The following NDUFA3 variants were observed in gnomAD, a reference collection of about 807,000 sequenced individuals.
The protein encoded by NDUFA3 is NADH:ubiquinone oxidoreductase subunit A3, also known as NADH dehydrogenase [ubiquinone] 1 alpha subcomplex subunit 3.
NDUFA3 carries 10 observed loss-of-function variants against 11.4 expected under a neutral mutation model. The ratio of observed to expected loss-of-function variants is 0.87; its 90% confidence interval spans 0.54 to 1.48. NDUFA3 has a LOEUF of 1.48. Ranked by LOEUF, NDUFA3 falls within the 40% of genes most tolerant of loss-of-function variation. The pLI is 0.00. For missense variants in NDUFA3, 115 were observed against 110.5 expected (o/e 1.04, Z -0.18); for synonymous variants, 39 against 46.9 (o/e 0.83, Z 0.68).
chr19:54,103,038 C>A, intron 1 of NDUFA3, 76 bp from the exon 2 acceptor site: 1 of 1,553,234 alleles, frequency 6.4e-7, no homozygotes, highest in Non-Finnish European at 8.8e-7. Context: ...TCCTCCAGGG[C>A]AGGGGTGGCA....
chr19:54,104,336 C>T (rs2073192191), intron 2 of NDUFA3, among the ~76,000 whole-genome samples: 1 of 151,580 alleles, frequency 6.6e-6, no homozygotes, highest in African/African-American at 2.4e-5. Flanking sequence ...CAAGGTTTCA[C>T]CATGTTGGCC....
rs144138972 is a variant in NDUFA3 at position 54,106,867 on chromosome 19, C to G, written c.220C>G (p.Gln74Glu). 101 of 1,613,842 alleles carry G rather than the reference C, an allele frequency of 6.3e-5. No homozygotes were observed. In the African/African-American group the frequency reaches 1.3e-3, roughly 21 times the overall value. The change falls in exon 4 of 4, where the codon CAG (glutamine) becomes GAG (glutamate). Residue 74 changes from glutamine (Q) to glutamate (E), a missense_variant. Coordinates refer to ENST00000485876, the MANE Select transcript of NDUFA3 (RefSeq NM_004542.4). ...CGTGCCCAGCCACCCCCAGGACCCT[C>G]AGGGCCCCAGCCTGGAGTGGCTGAA... The part of the protein sequence containing the change: ...PDVPSHPQDP[Q>E]GPSLEWLKKL
chr19:54,106,636 CCGTGTCT>C, intron 3 of NDUFA3, 168 bp from the exon 4 acceptor site: 1 of 526,834 alleles, frequency 1.9e-6, no homozygotes, highest in Non-Finnish European at 3.3e-6. Context: ...CTCTGGTTTT[CCGTGTCT>C]CTCAGTCTCT....
chr19:54,103,938 A>G (rs2073174106), intron 2 of NDUFA3, among the ~76,000 whole-genome samples: 1 of 151,848 alleles, frequency 6.6e-6, no homozygotes, highest in African/African-American at 2.4e-5. Context: ...GGTTCACGCC[A>G]TTCTCCTGCC....
At position 54,107,056 on chromosome 19, in the gene NDUFA3, A is replaced by C; in HGVS notation, c.*154A>C. 6.2e-7 allele frequency: 1 copy of C among 1,613,674 alleles called. No homozygotes were observed. The stretch of plus-strand genomic sequence containing the variant: ...TCAGTTTATTGGGCATGCGTCAGTC[A>C]GAGGCTGGGCTGGCCAGGGTCGGGT... On this transcript the variant is annotated 3_prime_UTR_variant, in exon 4 of 4. Transcript: ENST00000485876.
intron 3 of NDUFA3, 90 bp downstream of exon 3, chr19:54,106,101 G>GAATCTCTGATAACTGC: frequency 3.1e-6 from 4 of 1,305,486 alleles, no homozygotes; most frequent in Non-Finnish European, 4.4e-6. Flanking sequence ...TTCCTAAGCA[G>GAATCTCTGATAACTGC]TTATCAGAGA....
intron 2 of NDUFA3, chr19:54,105,584 T>C: frequency 2.0e-6 from 1 of 499,142 alleles, no homozygotes; most frequent in Non-Finnish European, 4.0e-6. Context: ...TGTAACAGTC[T>C]TGATTTCTCC....
At position 54,102,878 on chromosome 19, in the gene NDUFA3, G is replaced by A; in HGVS notation, c.-1G>A. Reference sequence around the variant, plus strand: ...CCGCTGTCGCCGCCGCGGAGACAAAGATGGCTGCGAGTAAGTGCAGGTGCC... The same window carrying A: ...CCGCTGTCGCCGCCGCGGAGACAAAAATGGCTGCGAGTAAGTGCAGGTGCC... On this transcript the variant is annotated 5_prime_UTR_variant, in exon 1 of 4. Transcript: ENST00000485876. The A allele has an allele frequency of 6.2e-7, 1 of 1,610,470 alleles. No homozygotes were observed. The highest frequency in any genetic ancestry group is 1.1e-5 in the South Asian group (1 of 90,640).
chr19:54,106,780 TG>T, intron 3 of NDUFA3, 30 bp from the exon 4 acceptor site: 1 of 1,574,836 alleles, frequency 6.3e-7, no homozygotes, highest in Non-Finnish European at 8.6e-7. Context: ...GGAGACGTGC[TG>T]GTCTCAGTGG....
rs1316415018 is a variant in NDUFA3, at chr19:54,105,264, C to CCTTTTTTT, written c.86-670_86-669insCTTTTTTT. On this transcript the variant is annotated intron_variant, in intron 2 of 3. Transcript: ENST00000485876. ...ACCCTTTCTCCTCCAGTTTGTAAGGCTTTTTTTTTTTTTTTTTTTTTGGTG... is the reference window on the plus strand; with the variant it reads ...ACCCTTTCTCCTCCAGTTTGTAAGGCCTTTTTTTTTTTTTTTTTTTTTTTTTTTTGGTG... 9.6e-3 allele frequency among the ~76,000 whole-genome samples: 680 copies of CCTTTTTTT among 71,188 alleles called. 89 individuals are homozygous for CCTTTTTTT. The highest frequency in any genetic ancestry group is 0.011 in the Non-Finnish European group (452 of 39,606). The allele number at this position is 71,188 out of a possible 152,430, so 46.7% of individuals were successfully genotyped here. A position where few individuals can be genotyped will look rare whatever the true frequency, so the allele number is the denominator to read the frequency against.
intron 2 of NDUFA3, 147 bp from the exon 3 acceptor site, chr19:54,105,787 A>G (rs1415070124): frequency 5.2e-5 from 38 of 728,308 alleles, no homozygotes; most frequent in Non-Finnish European, 8.5e-5. Flanking sequence ...TAGGGATCCC[A>G]AGGTACCAAG....
Position 54,105,565 on chromosome 19 carries a change from G to A in NDUFA3, c.86-369G>A, listed in dbSNP as rs1316345486. 5 of 442,974 alleles carry A rather than the reference G, an allele frequency of 1.1e-5. No individual in the cohort carries two copies. The East Asian group carries it at 2.4e-4, about 21-fold the overall frequency. 27.4% of individuals were successfully genotyped at this position (442,974 alleles called of 1,614,324 possible). A position where few individuals can be genotyped will look rare whatever the true frequency, so the allele number is the denominator to read the frequency against. On this transcript the variant is annotated intron_variant, in intron 2 of 3. Transcript: ENST00000485876. ...ATTACAGGCTTGAGCCACTGTGCCC[G>A]GCCAAATTTGTAACAGTCTTGATTT...
At chr19:54,105,885 C>A (rs776255915) in intron 2 of NDUFA3, 49 bp from the exon 3 acceptor site, 9 of 1,510,710 alleles carry the variant, frequency 6.0e-6, no homozygotes, top group Non-Finnish European at 8.3e-6. Flanking sequence ...CTCTTCCCCT[C>A]TCTTCAGAGC....
rs1207555411 is a variant in NDUFA3 at position 54,105,038 on chromosome 19, A to G, written c.86-896A>G. ...TAGGCATGAGCCACCTCGCCCATCC[A>G]AGTATGTTTCTTAAAATTTGTTTCA... On this transcript the variant is annotated intron_variant, in intron 2 of 3. Transcript: ENST00000485876. Among the ~76,000 whole-genome samples, 8 of 152,172 alleles carry G rather than the reference A, an allele frequency of 5.3e-5. No homozygotes were observed. The South Asian group carries it at 8.3e-4, about 16-fold the overall frequency.
In NDUFA3 at chr19:54,107,363, C is replaced by G. The variant is rs587599296; in HGVS notation, c.*461C>G. ...TCCCAGGCTCAAGTGATCCTCCCAC[C>G]TCAGCTTCCCAAGTAGCTGGGACTA... On this transcript the variant is annotated 3_prime_UTR_variant, in exon 4 of 4. Coordinates refer to ENST00000485876, the MANE Select transcript of NDUFA3 (RefSeq NM_004542.4). 1.5e-4 allele frequency: 103 copies of G among 686,622 alleles called. 1 individual carries two copies. In the African/African-American group the frequency reaches 1.6e-3, roughly 11 times the overall value. 42.5% of individuals were successfully genotyped at this position (686,622 alleles called of 1,614,324 possible). A position where few individuals can be genotyped will look rare whatever the true frequency, so the allele number is the denominator to read the frequency against.
chr19:54,105,897 A>G, intron 2 of NDUFA3, 37 bp from the exon 3 acceptor site: 2 of 1,553,336 alleles, frequency 1.3e-6, no homozygotes, highest in Non-Finnish European at 1.8e-6. Flanking sequence ...CTTCAGAGCC[A>G]CCTTCCCCTG....
intron 3 of NDUFA3, 58 bp from the exon 4 acceptor site, chr19:54,106,753 C>T: frequency 2.1e-6 from 3 of 1,443,320 alleles, no homozygotes; most frequent in Middle Eastern, 3.6e-4. Flanking sequence ...CAGACCAGCT[C>T]TTCTCTCCAG....
At chr19:54,102,963 C>A (rs995225436) in intron 1 of NDUFA3, 75 bp downstream of exon 1, 1 of 1,573,396 alleles carries the variant, frequency 6.4e-7, no homozygotes, top group Admixed American at 1.8e-5. Flanking sequence ...GACTGAGGTG[C>A]GGCAGGGCAG....
chr19:54,103,573 C>T (rs1456151958), intron 2 of NDUFA3, among the ~76,000 whole-genome samples: 5 of 152,130 alleles, frequency 3.3e-5, no homozygotes, highest in Non-Finnish European at 5.9e-5. Flanking sequence ...CGTATGATCC[C>T]AATGTGCCTT....
Sources: gnomAD v4.1 joint callset for allele counts (sites outside exome capture counted in the v4.1 genomes callset) on GRCh38, gnomAD v4.1.1 for gene constraint, MANE v1.5 for transcripts, NCBI Gene and HGNC (gene_info 2026-07-23, HGNC 2026-07-21) for gene names.